The following TBCD variants were observed in gnomAD, a reference collection of about 807,000 sequenced individuals.
TBCD encodes tubulin-specific chaperone D.
A neutral mutation model predicts 169.3 loss-of-function variants in TBCD; 105 were observed. The observed-to-expected ratio is 0.62, with a 90% CI of 0.53 to 0.73. TBCD has a LOEUF of 0.73. Among genes scored for constraint, TBCD ranks in the 30% least tolerant of loss-of-function variants. The pLI, the probability that TBCD is intolerant of heterozygous loss-of-function variation, is 0.00. For synonymous variants in TBCD, 700 were observed against 643.9 expected, an observed-to-expected ratio of 1.09 and a Z score of -1.32; for missense variants, 1,444 against 1,600.1, an observed-to-expected ratio of 0.90 and a Z score of 1.66.
chr17:82,906,074 G>A (rs2060229013), intron 20 of TBCD, 21 bp downstream of exon 20: 2 of 1,545,864 alleles, frequency 1.3e-6, no homozygotes, highest in East Asian at 4.6e-5. Context: ...TGGGTCTCGA[G>A]GAGACACAGG....
intron 13 of TBCD, among the ~76,000 whole-genome samples, chr17:82,868,988 T>C (rs960634894): frequency 3.3e-5 from 5 of 152,078 alleles, no homozygotes; most frequent in Non-Finnish European, 7.3e-5. Context: ...GACCCTGGCG[T>C]GTGCGTGGAG....
In TBCD at chr17:82,921,449, G is replaced by T. The variant is rs74364230; in HGVS notation, c.2102-52G>T. On this transcript the variant is annotated intron_variant, in intron 24 of 38. Coordinates refer to ENST00000355528, the MANE Select transcript of TBCD (RefSeq NM_005993.5). ...AGAAGCTGTTTTTGCTGTTGTTTTT[G>T]ATTTCATGGTGTTTTTGATTGCCTG... is the stretch of plus-strand genomic sequence containing the variant. 83,361 of 1,461,240 alleles carry T rather than the reference G, an allele frequency of 0.057. 2,667 individuals carry two copies. Among genetic ancestry groups the T allele is most frequent in the Non-Finnish European group, 0.066 (68,820 of 1,040,810 alleles). The allele number at this position is 1,461,240 out of a possible 1,614,324, so 90.5% of individuals were successfully genotyped here.
At chr17:82,836,269 G>T (rs1019882350) in intron 13 of TBCD, among the ~76,000 whole-genome samples, 2 of 152,226 alleles carry the variant, frequency 1.3e-5, no homozygotes, top group Non-Finnish European at 2.9e-5. Context: ...GTGCCGGCAT[G>T]CCTCGCCGCG....
intron 13 of TBCD, among the ~76,000 whole-genome samples, chr17:82,842,559 A>G (rs929493286): frequency 3.3e-5 from 5 of 152,082 alleles, no homozygotes; most frequent in African/African-American, 7.2e-5. Context: ...CTCGGATCCC[A>G]TGTCGTCTTT....
Position 82,884,019 on chromosome 17 carries a change from G to A in TBCD, c.1476-126G>A. 1 of 849,036 alleles carries A rather than the reference G, an allele frequency of 1.2e-6. No individual in the cohort carries two copies. The highest frequency in any genetic ancestry group is 2.2e-4 in the Middle Eastern group (1 of 4,512). 52.6% of individuals were successfully genotyped at this position (849,036 alleles called of 1,614,324 possible). A position where few individuals can be genotyped will look rare whatever the true frequency, so the allele number is the denominator to read the frequency against. On this transcript the variant is annotated intron_variant, in intron 14 of 38. Transcript: ENST00000355528. This position sits in a 1 kb window ranked among gnomAD's most constrained non-coding sequence, Gnocchi z 4.2. The stretch of plus-strand genomic sequence containing the variant: ...CCCTGGGTGCCTCAAGCTGTGTGTT[G>A]CCTGTGGGGCATGTCTGAACCTCAA...
intron 36 of TBCD, chr17:82,939,086 G>A (rs1481143480): frequency 1.9e-6 from 1 of 517,146 alleles, no homozygotes; most frequent in Non-Finnish European, 3.5e-6. Context: ...TCTCTGGTGA[G>A]GGAGCAGGTT....
intron 19 of TBCD, among the ~76,000 whole-genome samples, chr17:82,905,550 C>T (rs1207255266): frequency 2.7e-5 from 3 of 112,866 alleles, no homozygotes; most frequent in Admixed American, 8.1e-5. Context: ...ACAGGTCGTC[C>T]GTGTGTGCAC....
chr17:82,907,294 C>T (rs1484731903), intron 20 of TBCD, among the ~76,000 whole-genome samples: 1 of 152,200 alleles, frequency 6.6e-6, no homozygotes, highest in Non-Finnish European at 1.5e-5. Flanking sequence ...TCACCTGGAC[C>T]TGTCTGTTTT....
chr17:82,928,652 C>T (rs3785512), intron 30 of TBCD, among the ~76,000 whole-genome samples: 46,005 of 151,992 alleles, frequency 0.3, 7,290 homozygotes, highest in Non-Finnish European at 0.35. Flanking sequence ...CAGGGACACT[C>T]GGCCGTGGGG....
chr17:82,831,016 T>C lies in TBCD; in HGVS notation c.1318+16082T>C. Reference sequence around the variant, plus strand: ...GGAGGTTTTGAAAATGACATTTTCTTACCTTACTGGAGACTCTGCTGTGGT... The same window carrying C: ...GGAGGTTTTGAAAATGACATTTTCTCACCTTACTGGAGACTCTGCTGTGGT... On this transcript the variant is annotated intron_variant, in intron 13 of 38. Transcript: ENST00000355528. This position sits in a 1 kb window ranked among gnomAD's most constrained non-coding sequence, Gnocchi z 4.6. 1 of 1,614,102 alleles carries C rather than the reference T, an allele frequency of 6.2e-7. No homozygotes were observed.
intron 14 of TBCD, among the ~76,000 whole-genome samples, chr17:82,872,943 GCCCGGCAC>G (rs1567932306): frequency 6.9e-6 from 1 of 143,896 alleles, no homozygotes; most frequent in East Asian, 2.0e-4. Flanking sequence ...TCTGAGCCAG[GCCCGGCAC>G]CTCGTGGCCG....
In TBCD at chr17:82,927,275, G is replaced by T. The variant is rs1433258753; in HGVS notation, c.2561G>T (p.Gly854Val). 36 of 1,614,028 alleles carry T rather than the reference G, an allele frequency of 2.2e-5. No homozygotes were observed. The highest frequency in any genetic ancestry group is 3.1e-5 in the Non-Finnish European group (36 of 1,179,888). Reference sequence around the variant, plus strand: ...TCCCAGATTTACTGTGCGCTGCTGGGCTGCATGGACGACTACACCACGGAC... The same window carrying T: ...TCCCAGATTTACTGTGCGCTGCTGGTCTGCATGGACGACTACACCACGGAC... ...NVSQIYCALL[G>V]CMDDYTTDSR... Residue 854 changes from glycine (G) to valine (V), a missense_variant, in exon 29 of 39, where the codon GGC (glycine) becomes GTC (valine). By Grantham distance (109) the Gly-to-Val change is moderately radical (BLOSUM62 -3). Transcript: ENST00000355528.
At chr17:82,838,200 A>G (rs773234377) in intron 13 of TBCD, among the ~76,000 whole-genome samples, 1 of 152,184 alleles carries the variant, frequency 6.6e-6, no homozygotes, top group African/African-American at 2.4e-5. Context: ...TTGCCAATAT[A>G]CTGTCTTTCC....
rs148057720 is a variant in TBCD at position 82,879,886 on chromosome 17, C to G, written c.1476-4259C>G. On this transcript the variant is annotated intron_variant, in intron 14 of 38. Transcript: ENST00000355528. ...CTTAAGACTCATCCCAGTGATCTTT[C>G]CTTTTTTTTTTTGGAGTGGTGTATT... Among the ~76,000 whole-genome samples the G allele has an allele frequency of 1.2e-3, 176 of 152,128 alleles. 1 individual carries two copies. The highest frequency in any genetic ancestry group is 4.0e-3 in the African/African-American group (168 of 41,504).
At chr17:82,883,256 GC>G (rs2058496209) in intron 14 of TBCD, among the ~76,000 whole-genome samples, 9 of 152,266 alleles carry the variant, frequency 5.9e-5, no homozygotes, top group African/African-American at 2.2e-4. Context: ...GGCCTTGGAG[GC>G]CGCTTATCTC....
chr17:82,767,698 T>G (rs2048084965), intron 4 of TBCD, among the ~76,000 whole-genome samples: 1 of 152,142 alleles, frequency 6.6e-6, no homozygotes, highest in Non-Finnish European at 1.5e-5. Flanking sequence ...GGCTCGTGCC[T>G]GTAATCCCAG....
At position 82,777,764 on chromosome 17, in the gene TBCD, C is replaced by T. The variant is rs1259061244; in HGVS notation, c.639-3825C>T. ...CATCACAGGGAGACGGTTAGGCCTCCGGATAACTGCGGGCGAGCCTGACTG... is the reference window on the plus strand; with the variant it reads ...CATCACAGGGAGACGGTTAGGCCTCTGGATAACTGCGGGCGAGCCTGACTG... On this transcript the variant is annotated intron_variant, in intron 6 of 38. Coordinates refer to ENST00000355528, the MANE Select transcript of TBCD (RefSeq NM_005993.5). Among the ~76,000 whole-genome samples the T allele has an allele frequency of 7.9e-5, 12 of 152,262 alleles. No homozygotes were observed. The East Asian group carries it at 1.2e-3, about 15-fold the overall frequency.
At chr17:82,928,155 C>T (rs989946730) in intron 30 of TBCD, among the ~76,000 whole-genome samples, 167 bp downstream of exon 30, 24 of 152,188 alleles carry the variant, frequency 1.6e-4, no homozygotes, top group African/African-American at 5.8e-4. Context: ...GCAGGCCCCT[C>T]CTCCTGCCCC....
At chr17:82,941,219 G>A (rs559567761) in intron 37 of TBCD, among the ~76,000 whole-genome samples, 180 bp from the exon 38 acceptor site, 50 of 152,350 alleles carry the variant, frequency 3.3e-4, no homozygotes, top group African/African-American at 1.1e-3. Flanking sequence ...GCTCAGGCTC[G>A]AGGCTCTGCT....
Sources: gnomAD v4.1 joint callset for allele counts (sites outside exome capture counted in the v4.1 genomes callset) on GRCh38, gnomAD v4.1.1 for gene constraint, Gnocchi (gnomAD v3.1) non-coding constraint, MANE v1.5 for transcripts, NCBI Gene and HGNC (gene_info 2026-07-23, HGNC 2026-07-21) for gene names.